The following HUWE1 variants were observed in gnomAD, a reference collection of about 807,000 sequenced individuals.
HUWE1 encodes the protein E3 ubiquitin-protein ligase HUWE1.
HUWE1 carries 18 observed loss-of-function variants against 299.4 expected under a neutral mutation model. The observed-to-expected ratio is 0.06, with a 90% CI of 0.04 to 0.09. The LOEUF is 0.09. Among genes scored for constraint, HUWE1 ranks in the 10% least tolerant of loss-of-function variants. The pLI is 1.00. For missense variants in HUWE1, 1,832 were observed against 3,462.3 expected, an observed-to-expected ratio of 0.53 and a Z score of 11.82; for synonymous variants, 1,317 against 1,286.1, an observed-to-expected ratio of 1.02 and a Z score of -0.51.
At chrX:53,646,204 C>T (rs2068032485) in intron 6 of HUWE1, among the ~76,000 whole-genome samples, 1 of 110,827 alleles carries the variant, frequency 9.0e-6, no homozygotes, top group Non-Finnish European at 1.9e-5. Context: ...GTTGCCCAGG[C>T]TGGAGTGCAA....
intron 4 of HUWE1, among the ~76,000 whole-genome samples, chrX:53,650,676 T>C (rs2068400919): frequency 8.9e-6 from 1 of 111,847 alleles, no homozygotes; most frequent in South Asian, 3.7e-4. Flanking sequence ...GGGGAAAAAA[T>C]CCTTTGCACA....
Position 53,564,592 on chromosome X carries a change from G to T in HUWE1, c.7011C>A (p.Leu2337=). 8.3e-7 allele frequency: 1 copy of T among 1,210,739 alleles called. No homozygotes were observed. The highest frequency in any genetic ancestry group is 1.7e-5 in the African/African-American group (1 of 57,648). ...SVVIAGQPEV[L]SSQEMQVENE... is the part of the protein sequence containing the mutation. ...TCCCTACCTGCATCTCTTGTGAACT[G>T]AGCACCTCAGGCTGCCCAGCAATCA... The change falls in exon 51 of 84, where the codon CTC becomes CTA. Residue 2337 remains leucine (L), a synonymous_variant. Transcript: ENST00000262854.
intron 77 of HUWE1, 59 bp downstream of exon 77, chrX:53,538,278 G>A (rs182148008): frequency 8.8e-6 from 7 of 794,130 alleles, no homozygotes; most frequent in Admixed American, 4.5e-5. Flanking sequence ...CTTCAGAGGC[G>A]AGTTACCATT....
intron 28 of HUWE1, among the ~76,000 whole-genome samples, chrX:53,601,065 C>T (rs782614180): frequency 8.9e-6 from 1 of 111,953 alleles, no homozygotes; most frequent in African/African-American, 3.2e-5. Flanking sequence ...TCCCATCCCT[C>T]ACAATAACCA....
rs1229735699 is a variant in HUWE1 at position 53,583,305 on chromosome X, T to TA, written c.5520+252dup. On this transcript the variant is annotated intron_variant, in intron 42 of 83. Coordinates refer to ENST00000262854, the MANE Select transcript of HUWE1 (RefSeq NM_031407.7). ...TTGGCTTGGTTAATGAAACCTAGATTAAAAAAAAAAAAAGAAAAAAAGAAA... is the reference window on the plus strand; with the variant it reads ...TTGGCTTGGTTAATGAAACCTAGATTAAAAAAAAAAAAAAGAAAAAAAGAAA... Among the ~76,000 whole-genome samples the TA allele has an allele frequency of 7.4e-3, 677 of 91,015 alleles. 6 individuals are homozygous for TA. The highest frequency in any genetic ancestry group is 0.019 in the African/African-American group (487 of 25,048). The allele number at this position is 91,015 out of a possible 115,157, so 79.0% of individuals were successfully genotyped here.
intron 68 of HUWE1, among the ~76,000 whole-genome samples, chrX:53,547,125 C>T (rs1156504286): frequency 8.9e-6 from 1 of 112,202 alleles, no homozygotes; most frequent in Non-Finnish European, 1.9e-5. Context: ...AAAGAAACCC[C>T]AGGCATTTCT....
Position 53,533,349 on chromosome X carries a change from A to C in HUWE1, c.13085T>G (p.Leu4362Trp), listed in dbSNP as rs2060850491. ...SFEKLRHMLL[L>W]AIQECSEGFG... ...GCCTTCAGAGCACTCCTGGATAGCC[A>C]ACAGTAGCATGTGGCGGAGCTTCTC... is the stretch of plus-strand genomic sequence containing the variant. The change falls in exon 84 of 84, where the codon TTG becomes TGG. Residue 4362 changes from leucine to tryptophan, a missense_variant. Physicochemically the swap from Leu to Trp is moderately conservative, Grantham distance 61. Around this residue, in one of 15 missense-constraint regions of HUWE1, gnomAD observed 129 missense variants for 439.4 expected, o/e 0.29. Transcript: ENST00000262854. The C allele has an allele frequency of 8.3e-7, 1 of 1,207,096 alleles. No individual in the cohort carries two copies. The highest frequency in any genetic ancestry group is 1.8e-5 in the African/African-American group (1 of 56,931).
At chrX:53,634,667 T>C (rs1557025278) in intron 7 of HUWE1, among the ~76,000 whole-genome samples, 1 of 112,657 alleles carries the variant, frequency 8.9e-6, no homozygotes, top group Non-Finnish European at 1.9e-5. Context: ...TGCTGACAGG[T>C]CCCTCCTGTC....
At chrX:53,602,334 G>T (rs1217246827) in intron 28 of HUWE1, among the ~76,000 whole-genome samples, 39 of 93,463 alleles carry the variant, frequency 4.2e-4, no homozygotes, top group South Asian at 1.1e-3. Context: ...CTTCCAAAAT[G>T]TTTTTTTTTT....
intron 43 of HUWE1, among the ~76,000 whole-genome samples, chrX:53,578,205 T>C (rs2063287316): frequency 1.0e-5 from 1 of 96,441 alleles, no homozygotes; most frequent in Admixed American, 1.1e-4. Flanking sequence ...GCGCCTCTGC[T>C]GGGCCGCAAC....
chrX:53,583,725 G>A lies in HUWE1; in HGVS notation c.5353C>T (p.Leu1785Phe). ...ATGGCATATTTGTGGTCCCGGGTGA[G>A]CCTCAGACAGAGACGAAGGGTGGCA... ...LHATLRLCLR[L>F]TRDHKYAMMF... The change falls in exon 42 of 84, where the codon CTC (leucine) becomes TTC (phenylalanine). Residue 1785 changes from leucine to phenylalanine, a missense_variant. Physicochemically the swap from Leu to Phe is conservative, Grantham distance 22 (BLOSUM62 0). Around this residue, in one of 15 missense-constraint regions of HUWE1, gnomAD observed 50 missense variants for 114.9 expected, o/e 0.44. Transcript: ENST00000262854. 8.3e-7 allele frequency: 1 copy of A among 1,211,176 alleles called. No homozygotes were observed. Among genetic ancestry groups the A allele is most frequent in the Non-Finnish European group, 1.1e-6 (1 of 895,260 alleles).
At chrX:53,681,819 A>T (rs2070169947) in intron 2 of HUWE1, among the ~76,000 whole-genome samples, 1 of 112,467 alleles carries the variant, frequency 8.9e-6, no homozygotes, top group Non-Finnish European at 1.9e-5. Context: ...AGTGGAAGAA[A>T]TGAGTAGGCA....
Position 53,533,929 on chromosome X carries a change from TTGGGTAGGGTCC to T in HUWE1, c.13022+66_13022+77del, listed in dbSNP as rs1311444372. On this transcript the variant is annotated intron_variant, in intron 83 of 83. Transcript: ENST00000262854. ...CTCAGCCACATTTGTGTTCCCAATC[TTGGGTAGGGTCC>T]TGAAAACATCAAGTATGCAAGCTCA... is the stretch of plus-strand genomic sequence containing the variant. 11 of 982,405 alleles carry T rather than the reference TTGGGTAGGGTCC, an allele frequency of 1.1e-5. No homozygotes were observed. The East Asian group carries it at 1.8e-4, about 16-fold the overall frequency. The allele number at this position is 982,405 out of a possible 1,213,427, so 81.0% of individuals were successfully genotyped here. A position where few individuals can be genotyped will look rare whatever the true frequency, so the allele number is the denominator to read the frequency against.
chrX:53,569,851 T>A, intron 47 of HUWE1, 24 bp from the exon 48 acceptor site: 1 of 1,151,495 alleles, frequency 8.7e-7, no homozygotes, highest in Non-Finnish European at 1.2e-6. Context: ...AATCACGACA[T>A]TTACTTACAA....
chrX:53,538,258 T>G, intron 77 of HUWE1, 79 bp downstream of exon 77: 1 of 697,081 alleles, frequency 1.4e-6, no homozygotes, highest in Non-Finnish European at 2.3e-6. Flanking sequence ...ATTTGTGGCC[T>G]CAAGAGTAAC....
intron 29 of HUWE1, among the ~76,000 whole-genome samples, chrX:53,597,331 AG>A (rs1200166910): frequency 5.6e-5 from 6 of 108,017 alleles, no homozygotes; most frequent in Admixed American, 4.9e-4. Context: ...CCTACTTTGA[AG>A]GAAAAAAAAA....
At chrX:53,613,070 G>T (rs1487983545) in intron 23 of HUWE1, among the ~76,000 whole-genome samples, 1 of 110,988 alleles carries the variant, frequency 9.0e-6, no homozygotes, top group African/African-American at 3.3e-5. Context: ...GACATTCAAG[G>T]GTGTGACAAA....
At chrX:53,561,482 T>G (rs977614085) in intron 55 of HUWE1, among the ~76,000 whole-genome samples, 3 of 112,423 alleles carry the variant, frequency 2.7e-5, no homozygotes, top group Non-Finnish European at 5.6e-5. Flanking sequence ...TTGGTCTCTT[T>G]CTTTTTTTTA....
intron 3 of HUWE1, among the ~76,000 whole-genome samples, chrX:53,660,459 A>C (rs1557044818): frequency 8.9e-6 from 1 of 112,429 alleles, no homozygotes; most frequent in African/African-American, 3.2e-5. Flanking sequence ...AGTTTAAAAA[A>C]CCAAGACATC....
Sources: allele counts gnomAD v4.1 joint callset (sites outside exome capture counted in the v4.1 genomes callset), GRCh38; gene constraint gnomAD v4.1.1; regional missense constraint gnomAD v4.1.1; transcripts MANE v1.5; gene names NCBI Gene and HGNC (gene_info 2026-07-23, HGNC 2026-07-21).